The following CFAP54 variants were observed in gnomAD, a reference collection of about 807,000 sequenced individuals.
CFAP54 encodes cilia and flagella associated protein 54, also known as cilia- and flagella-associated protein 54.
A neutral mutation model predicts 370.4 loss-of-function variants in CFAP54; 290 were observed. The ratio of observed to expected loss-of-function variants is 0.78; its 90% CI spans 0.71 to 0.86. CFAP54 has a LOEUF of 0.86. Among genes scored for constraint, CFAP54 ranks in the 40% least tolerant of loss-of-function variants. The pLI is 0.00. For synonymous variants in CFAP54, 1,206 were observed against 1,236.5 expected (o/e 0.98, Z 0.52); for missense variants, 3,399 against 3,528.7 (o/e 0.96, Z 0.93).
At chr12:96,682,399 A>T in intron 40 of CFAP54, 1 of 780,272 alleles carries the variant, frequency 1.3e-6, no homozygotes, top group Non-Finnish European at 1.6e-6. Context: ...ACGAGGTCTC[A>T]TTTTGTCATC....
intron 50 of CFAP54, among the ~76,000 whole-genome samples, chr12:96,729,541 A>G (rs555329623): frequency 2.0e-5 from 3 of 152,182 alleles, no homozygotes; most frequent in Non-Finnish European, 4.4e-5. Flanking sequence ...CCCATCGGAA[A>G]AGCTCAGTAT....
intron 39 of CFAP54, among the ~76,000 whole-genome samples, chr12:96,674,797 C>T (rs11108635): frequency 0.055 from 8,346 of 152,160 alleles, 299 homozygotes; most frequent in South Asian, 0.089. Context: ...TTGTGTCTCC[C>T]TTTGGTGCCA....
At chr12:96,533,696 T>G in intron 9 of CFAP54, 96 bp from the exon 10 acceptor site, 4 of 895,952 alleles carry the variant, frequency 4.5e-6, no homozygotes, top group Non-Finnish European at 6.3e-6. Context: ...AAAGCAGGGA[T>G]TGTGTTTTCC....
chr12:96,815,574 C>T (rs2136732747), intron 64 of CFAP54, among the ~76,000 whole-genome samples: 1 of 152,226 alleles, frequency 6.6e-6, no homozygotes, highest in South Asian at 2.1e-4. Flanking sequence ...AATTAGATTC[C>T]ATTTATCAAC....
In CFAP54 at chr12:96,733,064, G is replaced by A. The variant is rs150209434; in HGVS notation, c.6966-6892G>A. On this transcript the variant is annotated intron_variant, in intron 50 of 67. Coordinates refer to ENST00000524981, the MANE Select transcript of CFAP54 (RefSeq NM_001306084.2). ...GGCCATAGAAAGGACTGTCATAATA[G>A]AACTTTAATTTGAAAACCAGATAGA... 2.2e-4 allele frequency among the ~76,000 whole-genome samples: 34 copies of A among 152,202 alleles called. No homozygotes were observed. In the East Asian group the frequency reaches 4.1e-3, roughly 18 times the overall value.
intron 4 of CFAP54, among the ~76,000 whole-genome samples, chr12:96,508,852 C>T (rs1955136301): frequency 6.6e-6 from 1 of 152,048 alleles, no homozygotes; most frequent in South Asian, 2.1e-4. Flanking sequence ...CCTGGTTTGC[C>T]TGACCTCTCT....
intron 38 of CFAP54, among the ~76,000 whole-genome samples, chr12:96,662,329 T>C (rs1163200979): frequency 2.0e-5 from 3 of 152,256 alleles, no homozygotes; most frequent in Non-Finnish European, 4.4e-5. Context: ...CTCAGCTTCC[T>C]GAGTACCTGG....
chr12:96,625,831 G>C (rs1016564650), intron 29 of CFAP54, 24 bp downstream of exon 29: 3 of 1,440,912 alleles, frequency 2.1e-6, no homozygotes, highest in Non-Finnish European at 2.8e-6. Context: ...ATGTGTATAT[G>C]CTGTTCACTC....
chr12:96,676,977 C>G (rs1481116151), intron 39 of CFAP54, among the ~76,000 whole-genome samples: 3 of 149,610 alleles, frequency 2.0e-5, no homozygotes, highest in African/African-American at 5.0e-5. Context: ...ACTTCTAGCC[C>G]CAAATATCTG....
chr12:96,504,399 A>G (rs1955067515), intron 3 of CFAP54, among the ~76,000 whole-genome samples: 1 of 152,236 alleles, frequency 6.6e-6, no homozygotes, highest in Admixed American at 6.5e-5. Flanking sequence ...ATAGTATAAA[A>G]AAGCGACTCA....
At chr12:96,589,043 T>C (rs1043263210) in intron 22 of CFAP54, among the ~76,000 whole-genome samples, 2 of 152,174 alleles carry the variant, frequency 1.3e-5, no homozygotes, top group African/African-American at 4.8e-5. Flanking sequence ...AATCTGATTG[T>C]TTCTCTTGGA....
chr12:96,690,744 C>G (rs1425408068), intron 43 of CFAP54, among the ~76,000 whole-genome samples: 1 of 151,986 alleles, frequency 6.6e-6, no homozygotes, highest in Non-Finnish European at 1.5e-5. Context: ...GTTGTTTAAG[C>G]CTCAATTATA....
intron 45 of CFAP54, among the ~76,000 whole-genome samples, chr12:96,697,368 A>G (rs73379239): frequency 0.019 from 2,939 of 152,170 alleles, 106 homozygotes; most frequent in African/African-American, 0.067. Context: ...TCATCTAGAA[A>G]CCTGAAAGAG....
intron 49 of CFAP54, among the ~76,000 whole-genome samples, chr12:96,719,100 G>A (rs866114144): frequency 4.6e-5 from 7 of 151,306 alleles, no homozygotes; most frequent in Middle Eastern, 3.5e-3. Context: ...ATTCCATCCC[G>A]TTTATCATTT....
chr12:96,704,446 A>G (rs1226049168), intron 46 of CFAP54, among the ~76,000 whole-genome samples: 24 of 72,984 alleles, frequency 3.3e-4, no homozygotes, highest in South Asian at 6.8e-4. Flanking sequence ...AAAAAAATGT[A>G]TGTGTGTATA....
At chr12:96,644,536 C>A in intron 33 of CFAP54, 128 bp downstream of exon 33, 1 of 653,212 alleles carries the variant, frequency 1.5e-6, no homozygotes, top group Non-Finnish European at 2.6e-6. Flanking sequence ...TTTATACTGG[C>A]TCTATTAGTC....
intron 63 of CFAP54, among the ~76,000 whole-genome samples, chr12:96,807,604 G>T (rs1338122374): frequency 6.6e-6 from 1 of 152,164 alleles, no homozygotes; most frequent in Non-Finnish European, 1.5e-5. Flanking sequence ...CATCATGAGT[G>T]TATTTCTCCT....
intron 50 of CFAP54, among the ~76,000 whole-genome samples, chr12:96,738,608 CTTTTTTT>C (rs71068829): frequency 4.6e-5 from 6 of 129,222 alleles, no homozygotes; most frequent in South Asian, 2.5e-4. Flanking sequence ...TCTAAATCTC[CTTTTTTT>C]TTTTTTTTTT....
chr12:96,728,108 C>T (rs1957866071), intron 50 of CFAP54, among the ~76,000 whole-genome samples: 1 of 152,202 alleles, frequency 6.6e-6, no homozygotes, highest in African/African-American at 2.4e-5. Context: ...CTGCCCTTAA[C>T]ATTTCTCCCT....
Sources: allele counts gnomAD v4.1 joint callset (sites outside exome capture counted in the v4.1 genomes callset), GRCh38; gene constraint gnomAD v4.1.1; transcripts MANE v1.5; gene names NCBI Gene and HGNC (gene_info 2026-07-23, HGNC 2026-07-21).